The following PLCE1 variants were observed in gnomAD, a reference collection of about 807,000 sequenced individuals.
PLCE1 encodes the protein phospholipase C epsilon 1.
Under a neutral mutation model 242.8 loss-of-function variants are expected in PLCE1, and 119 were observed. The ratio of observed to expected loss-of-function variants is 0.49; its 90% CI spans 0.42 to 0.57. PLCE1 has a LOEUF of 0.57. PLCE1 is among the 20% of genes least tolerant of loss of function. PLCE1 has a pLI of 0.00. For missense variants in PLCE1, 2,441 were observed against 2,788.8 expected (o/e 0.88, Z 2.81); for synonymous variants, 945 against 1,017.4 (o/e 0.93, Z 1.35).
chr10:94,160,050 C>G (rs4277037), intron 3 of PLCE1, among the ~76,000 whole-genome samples: 123,574 of 152,140 alleles, frequency 0.81, 50,386 homozygotes, highest in Admixed American at 0.85. Context: ...CCAAGTCTTT[C>G]CTATTGTGAA....
chr10:94,285,037 G>C, intron 22 of PLCE1, 72 bp downstream of exon 22: 2 of 871,038 alleles, frequency 2.3e-6, no homozygotes, highest in Non-Finnish European at 3.9e-6. Context: ...TATTTAATTG[G>C]GCATTGTGAA....
chr10:94,036,626 C>G (rs1413198715), intron 2 of PLCE1, among the ~76,000 whole-genome samples: 3 of 152,138 alleles, frequency 2.0e-5, no homozygotes, highest in African/African-American at 7.2e-5. Flanking sequence ...CAGTCATACT[C>G]CCTCTCTCCT....
intron 1 of PLCE1, among the ~76,000 whole-genome samples, chr10:94,014,306 C>T (rs1052461491): frequency 2.6e-5 from 4 of 151,910 alleles, no homozygotes; most frequent in African/African-American, 9.7e-5. Flanking sequence ...TCATCTTAAC[C>T]ATTTTAAAGT....
chr10:94,226,831 C>CTCTTTT (rs67656949), intron 4 of PLCE1, among the ~76,000 whole-genome samples: 3,047 of 101,714 alleles, frequency 0.03, 239 homozygotes, highest in Middle Eastern at 0.076. Context: ...ACCTATAGGT[C>CTCTTTT]TTTTTTTTTT....
chr10:94,208,366 G>A (rs1234566326), intron 4 of PLCE1, among the ~76,000 whole-genome samples: 3 of 152,258 alleles, frequency 2.0e-5, no homozygotes, highest in Non-Finnish European at 2.9e-5. Flanking sequence ...CCATCCTACA[G>A]AATGTAAGGC....
intron 31 of PLCE1, 60 bp downstream of exon 31, chr10:94,324,627 T>C: frequency 7.5e-7 from 1 of 1,325,146 alleles, no homozygotes; most frequent in South Asian, 1.2e-5. Context: ...AATTACACTG[T>C]AGCCAGATCT....
At chr10:94,059,080 A>T (rs1415445477) in intron 2 of PLCE1, among the ~76,000 whole-genome samples, 1 of 152,190 alleles carries the variant, frequency 6.6e-6, no homozygotes, top group Non-Finnish European at 1.5e-5. Context: ...GCAAAGAAAA[A>T]GGAGAAAAGA....
intron 2 of PLCE1, among the ~76,000 whole-genome samples, chr10:94,096,060 A>G (rs917564606): frequency 2.4e-4 from 36 of 152,134 alleles, no homozygotes; most frequent in African/African-American, 8.4e-4. Context: ...TTCATTGCCC[A>G]TTCCCAGATT....
intron 5 of PLCE1, among the ~76,000 whole-genome samples, chr10:94,233,196 G>T (rs983428546): frequency 3.3e-5 from 5 of 152,112 alleles, no homozygotes; most frequent in Admixed American, 1.3e-4. Context: ...TTCAGAATAG[G>T]GAAAGTCCCA....
intron 5 of PLCE1, 113 bp downstream of exon 5, chr10:94,227,564 G>A (rs990955300): frequency 7.3e-6 from 7 of 963,926 alleles, no homozygotes; most frequent in Non-Finnish European, 1.2e-5. Context: ...AACTGGAAAT[G>A]ATTAACTTGG....
rs1564727556 is a variant in PLCE1, at chr10:94,141,656, GA to G, written c.1492+9200del. On this transcript the variant is annotated intron_variant, in intron 3 of 32. Coordinates refer to ENST00000371380, the MANE Select transcript of PLCE1 (RefSeq NM_016341.4). ...AGGAAAGAAAGAAGGAAGGAAAGAA[GA>G]AAGGGAGGGAGGGAGGAAAGAAAGA... is the stretch of plus-strand genomic sequence containing the variant. 1.8e-4 allele frequency among the ~76,000 whole-genome samples: 6 copies of G among 33,588 alleles called. 1 individual carries two copies. Among genetic ancestry groups the G allele is most frequent in the Admixed American group, 1.2e-3 (6 of 4,950 alleles). The allele number at this position is 33,588 out of a possible 152,430, so 22.0% of individuals were successfully genotyped here.
chr10:94,089,664 G>A (rs921935368), intron 2 of PLCE1, among the ~76,000 whole-genome samples: 1 of 152,156 alleles, frequency 6.6e-6, no homozygotes, highest in South Asian at 2.1e-4. Flanking sequence ...TATCCTGAGA[G>A]TTTATTAGAT....
At chr10:94,130,833 G>A (rs2046578440) in intron 2 of PLCE1, among the ~76,000 whole-genome samples, 1 of 152,154 alleles carries the variant, frequency 6.6e-6, no homozygotes, top group Non-Finnish European at 1.5e-5. Flanking sequence ...GCTCAAGAGA[G>A]GCCCTCTTGA....
At chr10:94,230,012 A>G (rs1159084351) in intron 5 of PLCE1, among the ~76,000 whole-genome samples, 1 of 152,126 alleles carries the variant, frequency 6.6e-6, no homozygotes, top group East Asian at 1.9e-4. Context: ...TTAGGTTCCA[A>G]GCAATTAACT....
chr10:94,133,485 C>T (rs1197006784), intron 3 of PLCE1, among the ~76,000 whole-genome samples: 1 of 152,220 alleles, frequency 6.6e-6, no homozygotes, highest in Non-Finnish European at 1.5e-5. Context: ...ATTCCACTGC[C>T]TGGGGGTTGC....
chr10:94,089,084 C>A, intron 2 of PLCE1: 1 of 1,612,440 alleles, frequency 6.2e-7, no homozygotes, highest in South Asian at 1.1e-5. Context: ...TTCAGTGGGT[C>A]GTGGTGATTA....
Position 94,071,495 on chromosome 10 carries a change from G to GTTTTTTTTTTTTGTTGTTGTT in PLCE1, c.1206+39255_1206+39256insGTTGTTGTTTTTTTTTTTTTT, listed in dbSNP as rs2044353147. Among the ~76,000 whole-genome samples the GTTTTTTTTTTTTGTTGTTGTT allele has an allele frequency of 4.2e-4, 35 of 83,304 alleles. 1 individual carries two copies. The highest frequency in any genetic ancestry group is 7.0e-4 in the African/African-American group (13 of 18,666). 54.7% of individuals were successfully genotyped at this position (83,304 alleles called of 152,430 possible). On this transcript the variant is annotated intron_variant, in intron 2 of 32. Transcript: ENST00000371380. ...GTCTGTGTGTGTGTGTTTGGTTTTCGTTTTTTTTTTTTTTTTTTTTTGAGT... is the reference window on the plus strand; with the variant it reads ...GTCTGTGTGTGTGTGTTTGGTTTTCGTTTTTTTTTTTTGTTGTTGTTTTTTTTTTTTTTTTTTTTTTTGAGT...
rs552135392 is a variant in PLCE1, at chr10:94,304,399, C to A, written c.5459-83C>A. The A allele has an allele frequency of 1.9e-5, 24 of 1,259,852 alleles. No homozygotes were observed. In the African/African-American group the frequency reaches 3.2e-4, roughly 17 times the overall value. 78.0% of individuals were successfully genotyped at this position (1,259,852 alleles called of 1,614,324 possible). ...GCTTAGGGAAAATTGATGCAAAGTT[C>A]TTTTGAACTTTCAATTTATAAGGTG... On this transcript the variant is annotated intron_variant, in intron 24 of 32. Coordinates refer to ENST00000371380, the MANE Select transcript of PLCE1 (RefSeq NM_016341.4).
intron 2 of PLCE1, among the ~76,000 whole-genome samples, chr10:94,059,577 AG>A (rs2043993141): frequency 6.6e-6 from 1 of 152,182 alleles, no homozygotes; most frequent in South Asian, 2.1e-4. Context: ...TGAGATCTGG[AG>A]GGGCTATGAG....
Sources: gnomAD v4.1 joint callset for allele counts (sites outside exome capture counted in the v4.1 genomes callset) on GRCh38, gnomAD v4.1.1 for gene constraint, MANE v1.5 for transcripts, NCBI Gene and HGNC (gene_info 2026-07-23, HGNC 2026-07-21) for gene names.